STX8: variants seen among roughly 807,000 people sequenced by gnomAD.
The protein encoded by STX8 is syntaxin-8.
STX8 carries 23 observed loss-of-function variants against 37.5 expected under a neutral mutation model. That is an observed-to-expected ratio of 0.61 (90% CI 0.44 to 0.87). The LOEUF (loss-of-function observed/expected upper bound fraction) is 0.87, where lower values mean the gene tolerates loss of function less well. Among genes scored for constraint, STX8 ranks in the 40% least tolerant of loss-of-function variants. STX8 has a pLI of 0.00. For missense variants in STX8, 313 were observed against 284.7 expected (o/e 1.10, Z -0.71); for synonymous variants, 115 against 99.1 (o/e 1.16, Z -0.95).
Position 9,505,129 on chromosome 17 carries a change from T to C in STX8, c.357A>G (p.Gly119=). ...CCTCAAAGAGCCAAGGGTTGGGTGCTCCTCGCTTAGCCTCTTCACTCATCA... is the reference window on the plus strand; with the variant it reads ...CCTCAAAGAGCCAAGGGTTGGGTGCCCCTCGCTTAGCCTCTTCACTCATCA... ...SSLMSEEAKR[G]APNPWLFEEP... is the part of the protein sequence containing the mutation. The change falls in exon 5 of 8, where the codon GGA becomes GGG. Residue 119 remains glycine (G), a synonymous_variant. Transcript: ENST00000306357. 1 of 1,614,074 alleles carries C rather than the reference T, an allele frequency of 6.2e-7. No homozygotes were observed. The highest frequency in any genetic ancestry group is 1.1e-5 in the South Asian group (1 of 91,060).
chr17:9,487,497 C>G (rs1597702816), intron 6 of STX8, among the ~76,000 whole-genome samples: 4 of 152,026 alleles, frequency 2.6e-5, no homozygotes, highest in Admixed American at 1.3e-4. Context: ...CAGGGATATA[C>G]TTTTTTATCC....
intron 7 of STX8, among the ~76,000 whole-genome samples, chr17:9,255,527 AAAATAAATAAATAAAT>A (rs1202028600): frequency 3.1e-4 from 43 of 138,676 alleles, no homozygotes; most frequent in Admixed American, 1.1e-3. Context: ...ACTCCATCTC[AAAATAAATAAATAAAT>A]AAATAAATAA....
At chr17:9,496,803 T>C (rs181014751) in intron 5 of STX8, among the ~76,000 whole-genome samples, 23 of 152,244 alleles carry the variant, frequency 1.5e-4, no homozygotes, top group Admixed American at 5.9e-4. Context: ...GATAACTTAC[T>C]GGCTTTGAAG....
At chr17:9,435,766 G>C (rs867401093) in intron 6 of STX8, among the ~76,000 whole-genome samples, 2 of 152,148 alleles carry the variant, frequency 1.3e-5, no homozygotes, top group African/African-American at 4.8e-5. Context: ...CGTGTCACAA[G>C]AACAGTATTT....
At chr17:9,255,549 A>AATATATAT (rs1252549360) in intron 7 of STX8, among the ~76,000 whole-genome samples, 10 of 69,118 alleles carry the variant, frequency 1.4e-4, no homozygotes, top group African/African-American at 4.2e-4. Flanking sequence ...TAAATAAATA[A>AATATATAT]ATAAATATAT....
intron 6 of STX8, among the ~76,000 whole-genome samples, chr17:9,446,305 C>T (rs1439750725): frequency 1.3e-5 from 2 of 152,186 alleles, no homozygotes; most frequent in Non-Finnish European, 2.9e-5. Flanking sequence ...TGGAAGCCAA[C>T]TTAGCAACAC....
intron 5 of STX8, among the ~76,000 whole-genome samples, chr17:9,493,768 T>G (rs999897688): frequency 1.3e-5 from 2 of 152,220 alleles, no homozygotes; most frequent in Admixed American, 1.3e-4. Context: ...CTCTAATCCC[T>G]GTTAAAATTA....
At chr17:9,347,129 CA>C (rs1423605701) in intron 7 of STX8, among the ~76,000 whole-genome samples, 1 of 144,420 alleles carries the variant, frequency 6.9e-6, no homozygotes, top group Non-Finnish European at 1.5e-5. Flanking sequence ...AACTCCATCT[CA>C]AAAAAATAAA....
At chr17:9,353,124 C>A (rs978193828) in intron 7 of STX8, among the ~76,000 whole-genome samples, 1 of 152,094 alleles carries the variant, frequency 6.6e-6, no homozygotes, top group African/African-American at 2.4e-5. Context: ...GCCTTAAACT[C>A]CTGGCCTGAA....
At chr17:9,301,828 C>G (rs1251862658) in intron 7 of STX8, among the ~76,000 whole-genome samples, 1 of 152,052 alleles carries the variant, frequency 6.6e-6, no homozygotes, top group Non-Finnish European at 1.5e-5. Context: ...ATTTATTTTG[C>G]TATTGTTTTA....
chr17:9,363,116 G>A (rs1911121579), intron 7 of STX8, among the ~76,000 whole-genome samples: 1 of 152,162 alleles, frequency 6.6e-6, no homozygotes, highest in Non-Finnish European at 1.5e-5. Flanking sequence ...CTTCAAAGGA[G>A]TATGGAAAGA....
chr17:9,323,558 A>G (rs1297039698), intron 7 of STX8, among the ~76,000 whole-genome samples: 1 of 152,212 alleles, frequency 6.6e-6, no homozygotes, highest in Admixed American at 6.5e-5. Context: ...AGGCAATCAG[A>G]AGAACGGTGG....
intron 2 of STX8, among the ~76,000 whole-genome samples, chr17:9,559,516 CAA>C (rs764581927): frequency 6.6e-6 from 1 of 150,620 alleles, no homozygotes; most frequent in Non-Finnish European, 1.5e-5. Flanking sequence ...AAATTATAAA[CAA>C]AAGAAACACA....
intron 7 of STX8, among the ~76,000 whole-genome samples, chr17:9,255,130 T>C (rs1038248675): frequency 1.3e-5 from 2 of 152,168 alleles, no homozygotes; most frequent in Non-Finnish European, 2.9e-5. Flanking sequence ...GGAACTATTA[T>C]TAATACAGTG....
intron 7 of STX8, among the ~76,000 whole-genome samples, chr17:9,292,474 T>G (rs1908348198): frequency 6.6e-6 from 1 of 152,204 alleles, no homozygotes; most frequent in South Asian, 2.1e-4. Flanking sequence ...TTTATTAAAC[T>G]TGTCTCTTTC....
chr17:9,315,534 C>T (rs931625877), intron 7 of STX8, among the ~76,000 whole-genome samples: 1 of 152,210 alleles, frequency 6.6e-6, no homozygotes, highest in African/African-American at 2.4e-5. Context: ...GTGTCACATG[C>T]ATTTGTTTAC....
At chr17:9,532,190 G>A (rs1905847602) in intron 4 of STX8, among the ~76,000 whole-genome samples, 1 of 151,696 alleles carries the variant, frequency 6.6e-6, no homozygotes, top group African/African-American at 2.4e-5. Flanking sequence ...GGACTAAGTA[G>A]CTACAGAGAT....
At position 9,441,828 on chromosome 17, in the gene STX8, A is replaced by G. The variant is rs187017894; in HGVS notation, c.541+50001T>C. ...GTAGCTGGGACTACAGGCGCCCACC[A>G]CCACGCCCGGCTAATTTTTTGTATT... On this transcript the variant is annotated intron_variant, in intron 6 of 7. Coordinates refer to ENST00000306357, the MANE Select transcript of STX8 (RefSeq NM_004853.3). Among the ~76,000 whole-genome samples, 69 of 151,440 alleles carry G rather than the reference A, an allele frequency of 4.6e-4. 1 individual carries two copies. The highest frequency in any genetic ancestry group is 1.6e-3 in the African/African-American group (64 of 41,262).
intron 6 of STX8, among the ~76,000 whole-genome samples, chr17:9,478,389 G>A (rs937236803): frequency 1.3e-5 from 2 of 152,114 alleles, no homozygotes; most frequent in East Asian, 1.9e-4. Context: ...GCCCTCCTTG[G>A]CCTCCCAAAG....
Sources: allele counts gnomAD v4.1 joint callset (sites outside exome capture counted in the v4.1 genomes callset), GRCh38; gene constraint gnomAD v4.1.1; transcripts MANE v1.5; gene names NCBI Gene and HGNC (gene_info 2026-07-23, HGNC 2026-07-21).